Variants in PRPF8 observed in about 807,000 individuals in gnomAD.
PRPF8 encodes pre-mRNA processing factor 8.
PRPF8 carries 64 observed loss-of-function variants against 285.9 expected under a neutral mutation model. That is an observed-to-expected ratio of 0.22 (90% confidence interval 0.18 to 0.28). PRPF8 has a LOEUF of 0.28. Ranked by LOEUF, PRPF8 falls within the 10% of genes least tolerant of loss-of-function variation. The probability of loss-of-function intolerance (pLI) is 1.00; values close to 1 mark genes in which losing one functional copy is unlikely to be tolerated. For missense variants in PRPF8, 1,426 were observed against 3,026.7 expected (o/e 0.47, Z 12.41); for synonymous variants, 1,325 against 1,118.2 (o/e 1.18, Z -3.69).
At chr17:1,678,064 C>T (rs1355266941) in intron 13 of PRPF8, among the ~76,000 whole-genome samples, 1 of 152,148 alleles carries the variant, frequency 6.6e-6, no homozygotes, top group Non-Finnish European at 1.5e-5. Flanking sequence ...CTGGTAATCC[C>T]AGTACTTTGG....
chr17:1,673,803 T>C lies in PRPF8; in HGVS notation c.3389A>G (p.Asn1130Ser), dbSNP rs760957751. 1 of 1,614,134 alleles carries C rather than the reference T, an allele frequency of 6.2e-7. No homozygotes were observed. The highest frequency in any genetic ancestry group is 8.5e-7 in the Non-Finnish European group (1 of 1,180,034). The change falls in exon 22 of 43, where the codon AAC (asparagine) becomes AGC (serine). Residue 1130 changes from asparagine to serine, a missense_variant. Coordinates refer to ENST00000304992, the MANE Select transcript of PRPF8 (RefSeq NM_006445.4). The surrounding 1 kb of genome is among the most constrained non-coding windows in gnomAD (Gnocchi z 5.5). ...GGCATCTCGGGGCCAGCACTTCTTG[T>C]TATTATAGCCAACGATGTTTTCATT... ...PNNENIVGYNNKKCWPRDARM... is the reference protein window; with the variant it reads ...PNNENIVGYNSKKCWPRDARM...
chr17:1,668,427 T>C (rs1381897095), intron 24 of PRPF8, among the ~76,000 whole-genome samples: 2 of 148,830 alleles, frequency 1.3e-5, no homozygotes, highest in East Asian at 4.0e-4. Flanking sequence ...AGTGTCGCGA[T>C]CTCGGTTCAC....
chr17:1,662,078 G>A lies in PRPF8; in HGVS notation c.3850C>T (p.Leu1284Phe). 6.2e-7 allele frequency: 1 copy of A among 1,614,140 alleles called. No homozygotes were observed. The highest frequency in any genetic ancestry group is 8.5e-7 in the Non-Finnish European group (1 of 1,180,038). Residue 1284 changes from leucine to phenylalanine, a missense_variant, in exon 25 of 43, where the codon CTC becomes TTC. Leu to Phe is a conservative substitution (Grantham distance 22). Coordinates refer to ENST00000304992, the MANE Select transcript of PRPF8 (RefSeq NM_006445.4). ...TCACACTTCACCAGTAAGTCCAAGA[G>A]CTCTTGGGTGTTCACCACAGCCTCC... Reference protein sequence around the residue: ...FREAVVNTQELLDLLVKCENK... With the variant: ...FREAVVNTQEFLDLLVKCENK...
chr17:1,672,389 C>A (rs928109405), intron 24 of PRPF8, among the ~76,000 whole-genome samples: 1 of 152,172 alleles, frequency 6.6e-6, no homozygotes, highest in African/African-American at 2.4e-5. Context: ...AAGCAATTCT[C>A]CTGCCTGAGC....
chr17:1,656,120 G>A lies in PRPF8; in HGVS notation c.5793+272C>T, dbSNP rs368268878. Among the ~76,000 whole-genome samples, 18 of 150,506 alleles carry A rather than the reference G, an allele frequency of 1.2e-4. No individual in the cohort carries two copies. In the East Asian group the frequency reaches 3.0e-3, roughly 25 times the overall value. On this transcript the variant is annotated intron_variant, in intron 36 of 42. Coordinates refer to ENST00000304992, the MANE Select transcript of PRPF8 (RefSeq NM_006445.4). Reference sequence around the variant, plus strand: ...GTATTTTTAGTAGAGATGGGGTCTCGTCATGTTGGCCAGCCTGATCTCAAA... The same window carrying A: ...GTATTTTTAGTAGAGATGGGGTCTCATCATGTTGGCCAGCCTGATCTCAAA...
chr17:1,681,533 T>C lies in PRPF8; in HGVS notation c.811A>G (p.Met271Val), dbSNP rs2151131613. The change falls in exon 6 of 43, where the codon ATG becomes GTG. Residue 271 changes from methionine (M) to valine (V), a missense_variant. Met to Val is a conservative substitution (Grantham distance 21, BLOSUM62 1). This residue lies in a region of PRPF8 where 157 missense variants were observed against 159.6 expected (regional missense o/e 0.98). Transcript: ENST00000304992. The part of the protein sequence containing the change: ...KAFFTSKALN[M>V]AIPGGPKFEP... ...AATTTGGGGCCTCCAGGAATGGCCA[T>C]ATTGAGTGCCTTGGACGTAAAGAAG... The C allele has an allele frequency of 6.2e-7, 1 of 1,613,274 alleles. No individual in the cohort carries two copies. Among genetic ancestry groups the C allele is most frequent in the South Asian group, 1.1e-5 (1 of 91,056 alleles).
Position 1,651,596 on chromosome 17 carries a change from C to G in PRPF8, c.6511-43G>C. 1 of 1,614,118 alleles carries G rather than the reference C, an allele frequency of 6.2e-7. No homozygotes were observed. Among genetic ancestry groups the G allele is most frequent in the African/African-American group, 1.3e-5 (1 of 75,026 alleles). ...TACAGAGCTGAATCCCATCCACAGA[C>G]AGGAATCGCACCAGCTTTTCCACAC... On this transcript the variant is annotated intron_variant, in intron 40 of 42. Transcript: ENST00000304992. This position sits in a 1 kb window ranked among gnomAD's most constrained non-coding sequence, Gnocchi z 5.1.
rs776313689 is a variant in PRPF8, at chr17:1,673,343, C to T, written c.3657+14G>A. On this transcript the variant is annotated intron_variant, in intron 23 of 42. Transcript: ENST00000304992. This position sits in a 1 kb window ranked among gnomAD's most constrained non-coding sequence, Gnocchi z 5.5. ...GGCGCGTTCATGTCACTCCCAGCCC[C>T]GCCCAGGCTGTACCTCATTCTGCAG... is the stretch of plus-strand genomic sequence containing the variant. The T allele has an allele frequency of 5.0e-6, 8 of 1,613,686 alleles. No individual in the cohort carries two copies. Among genetic ancestry groups the T allele is most frequent in the African/African-American group, 2.7e-5 (2 of 74,916 alleles).
rs745441870 is a variant in PRPF8, at chr17:1,679,756, G to A, written c.1142C>T (p.Pro381Leu). 1.4e-5 allele frequency: 22 copies of A among 1,614,040 alleles called. No homozygotes were observed. The East Asian group carries it at 2.5e-4, about 18-fold the overall frequency. ...LPDDDEEFELPEFVEPFLKDT... is the reference protein window; with the variant it reads ...LPDDDEEFELLEFVEPFLKDT... ...CTTCAGGAAGGGCTCCACAAACTCC[G>A]GGAGCTCAAATTCCTCATCATCATC... Residue 381 changes from proline (P) to leucine (L), a missense_variant, in exon 9 of 43, where the codon CCG becomes CTG. Around this residue, in one of 34 missense-constraint regions of PRPF8, gnomAD observed 137 missense variants for 161.2 expected, o/e 0.85. Transcript: ENST00000304992. This position sits in a 1 kb window ranked among gnomAD's most constrained non-coding sequence, Gnocchi z 4.7.
chr17:1,671,356 G>A (rs1597241424), intron 24 of PRPF8, among the ~76,000 whole-genome samples: 1 of 152,240 alleles, frequency 6.6e-6, no homozygotes, highest in South Asian at 2.1e-4. Context: ...CCAACATGAC[G>A]CTCAAAGGAA....
intron 24 of PRPF8, among the ~76,000 whole-genome samples, chr17:1,663,663 C>G (rs1334408118): frequency 8.2e-6 from 1 of 122,572 alleles, no homozygotes; most frequent in Non-Finnish European, 1.6e-5. Context: ...GAGCCAAGAT[C>G]ATGCCACTGC....
Position 1,673,603 on chromosome 17 carries a change from TGGAA to T in PRPF8, c.3447-40_3447-37del. 6.2e-7 allele frequency: 1 copy of T among 1,613,374 alleles called. No homozygotes were observed. The highest frequency in any genetic ancestry group is 8.5e-7 in the Non-Finnish European group (1 of 1,179,880). On this transcript the variant is annotated intron_variant, in intron 22 of 42. Transcript: ENST00000304992. This position sits in a 1 kb window ranked among gnomAD's most constrained non-coding sequence, Gnocchi z 5.5. ...AGAACACATGGTCACAGCAGTTTCT[TGGAA>T]GGAACTTCCCTTCAAAGGCCAACTG...
At chr17:1,681,186 C>T in intron 6 of PRPF8, 132 bp from the exon 7 acceptor site, 1 of 1,011,162 alleles carries the variant, frequency 9.9e-7, no homozygotes, top group South Asian at 1.3e-5. Context: ...TCAAACAATC[C>T]TCCCACAGCT....
At chr17:1,674,089 C>T (rs1214608718) in intron 21 of PRPF8, among the ~76,000 whole-genome samples, 197 bp from the exon 22 acceptor site, 2 of 151,974 alleles carry the variant, frequency 1.3e-5, no homozygotes, top group Non-Finnish European at 2.9e-5. Flanking sequence ...GCGGCGCAAT[C>T]CCGGCTCACT....
chr17:1,674,642 G>A lies in PRPF8; in HGVS notation c.3099C>T (p.Gly1033=). 1 of 1,614,036 alleles carries A rather than the reference G, an allele frequency of 6.2e-7. No individual in the cohort carries two copies. The highest frequency in any genetic ancestry group is 2.2e-5 in the East Asian group (1 of 44,886). The change falls in exon 21 of 43, where the codon GGC becomes GGT. Residue 1033 remains glycine (G), a synonymous_variant. Coordinates refer to ENST00000304992, the MANE Select transcript of PRPF8 (RefSeq NM_006445.4). ...GCACGATGAATGAGGCAAACTGCAG[G>A]CCTCTGATGATCCCATATGAATTCG... is the stretch of plus-strand genomic sequence containing the variant. ...NHTNSYGIIR[G]LQFASFIVQY...
Position 1,684,801 on chromosome 17 carries a change from G to T in PRPF8, c.-33C>A. The T allele has an allele frequency of 3.3e-6, 2 of 599,370 alleles. No homozygotes were observed. Among genetic ancestry groups the T allele is most frequent in the Non-Finnish European group, 6.0e-6 (2 of 335,156 alleles). 37.1% of individuals were successfully genotyped at this position (599,370 alleles called of 1,614,324 possible). On this transcript the variant is annotated 5_prime_UTR_variant, in exon 1 of 43. Coordinates refer to ENST00000304992, the MANE Select transcript of PRPF8 (RefSeq NM_006445.4). ...GCACCCCACAGGCCCTCACACAAGAGGCCGCTTTCCCCGCAGCGCAATGGC... is the reference window on the plus strand; with the variant it reads ...GCACCCCACAGGCCCTCACACAAGATGCCGCTTTCCCCGCAGCGCAATGGC...
Position 1,659,034 on chromosome 17 carries a change from A to T in PRPF8, c.5139-271T>A. 2.1e-5 allele frequency: 10 copies of T among 470,050 alleles called. No individual in the cohort carries two copies. Among genetic ancestry groups the T allele is most frequent in the East Asian group, 3.8e-5 (1 of 26,590 alleles). The allele number at this position is 470,050 out of a possible 1,614,324, so 29.1% of individuals were successfully genotyped here. ...TATTTATTTATTTATTATTATTATT[A>T]TTTTTCTTTGAGATGGAGTCTCACT... On this transcript the variant is annotated intron_variant, in intron 32 of 42. Coordinates refer to ENST00000304992, the MANE Select transcript of PRPF8 (RefSeq NM_006445.4). This position sits in a 1 kb window ranked among gnomAD's most constrained non-coding sequence, Gnocchi z 5.1.
At position 1,675,194 on chromosome 17, in the gene PRPF8, G is replaced by T. The variant is rs192274713; in HGVS notation, c.3018C>A (p.Ala1006=). The T allele has an allele frequency of 2.5e-6, 4 of 1,613,930 alleles. No individual in the cohort carries two copies. Among genetic ancestry groups the T allele is most frequent in the African/African-American group, 2.7e-5 (2 of 74,882 alleles). The change falls in exon 20 of 43, where the codon GCC becomes GCA. Residue 1006 remains alanine (A), a synonymous_variant. Coordinates refer to ENST00000304992, the MANE Select transcript of PRPF8 (RefSeq NM_006445.4). This position sits in a 1 kb window ranked among gnomAD's most constrained non-coding sequence, Gnocchi z 6.0. The part of the protein sequence containing the change: ...LLRLIVDHNI[A]DYMTAKNNVV... The stretch of plus-strand genomic sequence containing the variant: ...CGTTGTTCTTGGCTGTCATGTAGTC[G>T]GCTATGTTGTGGTCCACGATGAGGC...
rs745761796 is a variant in PRPF8, at chr17:1,679,666, A to T, written c.1232T>A (p.Phe411Tyr). 6.8e-6 allele frequency: 11 copies of T among 1,614,044 alleles called. No homozygotes were observed. The Admixed American group carries it at 1.7e-4, about 24-fold the overall frequency. The change falls in exon 9 of 43, where the codon TTC (phenylalanine) becomes TAC (tyrosine). Residue 411 changes from phenylalanine (F) to tyrosine (Y), a missense_variant. Physicochemically the swap from Phe to Tyr is conservative, Grantham distance 22. Around this residue, in one of 34 missense-constraint regions of PRPF8, gnomAD observed 137 missense variants for 161.2 expected, o/e 0.85. Transcript: ENST00000304992. The surrounding 1 kb of genome is among the most constrained non-coding windows in gnomAD (Gnocchi z 4.7). Reference protein sequence around the residue: ...GIALLWAPRPFNLRSGRTRRA... With the variant: ...GIALLWAPRPYNLRSGRTRRA... Reference sequence around the variant, plus strand: ...ACGGGTGCGACCAGAGCGTAGGTTGAAGGGCCGCGGGGCCCAGAGCAGGGC... The same window carrying T: ...ACGGGTGCGACCAGAGCGTAGGTTGTAGGGCCGCGGGGCCCAGAGCAGGGC...
Sources: gnomAD v4.1 joint callset for allele counts (sites outside exome capture counted in the v4.1 genomes callset) on GRCh38, gnomAD v4.1.1 for gene constraint, gnomAD v4.1.1 regional missense constraint, Gnocchi (gnomAD v3.1) non-coding constraint, MANE v1.5 for transcripts, NCBI Gene and HGNC (gene_info 2026-07-23, HGNC 2026-07-21) for gene names.